The following CELF3 variants were observed in gnomAD, a reference collection of about 807,000 sequenced individuals.
The protein encoded by CELF3 is CUGBP Elav-like family member 3, also known as CAG repeat domain.
CELF3 carries 26 observed loss-of-function variants against 59.6 expected under a neutral mutation model. The observed-to-expected ratio is 0.44, with a 90% CI of 0.32 to 0.61. The LOEUF (loss-of-function observed/expected upper bound fraction) is 0.61. Ranked by LOEUF, CELF3 falls within the 20% of genes least tolerant of loss-of-function variation. The pLI is 0.06. For synonymous variants in CELF3, 245 were observed against 250.7 expected (o/e 0.98, Z 0.22); for missense variants, 387 against 627.2 (o/e 0.62, Z 4.09).
rs1330805633 is a variant in CELF3, at chr1:151,701,653, C to G, written c.*1806G>C. On this transcript the variant is annotated 3_prime_UTR_variant, in exon 13 of 13. Transcript: ENST00000290583. ...CCTAGGCTGGGCGTGGTGGCTCATG[C>G]CTGTAATCTGAGCACTTCGGGAGGC... is the stretch of plus-strand genomic sequence containing the variant. 6.6e-6 allele frequency among the ~76,000 whole-genome samples: 1 copy of G among 152,170 alleles called. No individual in the cohort carries two copies. Among genetic ancestry groups the G allele is most frequent in the Non-Finnish European group, 1.5e-5 (1 of 68,022 alleles).
chr1:151,712,543 G>C (rs1673112763), intron 2 of CELF3, among the ~76,000 whole-genome samples: 1 of 152,170 alleles, frequency 6.6e-6, no homozygotes, highest in African/African-American at 2.4e-5. Context: ...GGGTGAAGGG[G>C]GAAGAGCTGG....
Position 151,714,669 on chromosome 1 carries a change from G to T in CELF3, c.153C>A (p.Ala51=). 6.4e-7 allele frequency: 1 copy of T among 1,558,174 alleles called. No homozygotes were observed. The highest frequency in any genetic ancestry group is 8.7e-7 in the Non-Finnish European group (1 of 1,150,662). ...DKYTGLHKGC[A]FLTYCARDSA... is the part of the protein sequence containing the mutation. ...AATCCCGGGCACAGTATGTCAGGAAGGCACATCCTGAGGAGGGGCAGGGGC... is the reference window on the plus strand; with the variant it reads ...AATCCCGGGCACAGTATGTCAGGAATGCACATCCTGAGGAGGGGCAGGGGC... The change falls in exon 2 of 13, where the codon GCC becomes GCA. Residue 51 remains alanine, a synonymous_variant. Transcript: ENST00000290583.
In CELF3 at chr1:151,701,047, A is replaced by G. The variant is rs1461638387; in HGVS notation, c.*2412T>C. ...ATGACTCTTGGCTTCTTGGGAGAACAAATTGTAGGAGAGCAGGAAAAGAAA... is the reference window on the plus strand; with the variant it reads ...ATGACTCTTGGCTTCTTGGGAGAACGAATTGTAGGAGAGCAGGAAAAGAAA... On this transcript the variant is annotated 3_prime_UTR_variant, in exon 13 of 13. Coordinates refer to ENST00000290583, the MANE Select transcript of CELF3 (RefSeq NM_007185.7). 1 of 152,316 alleles carries G rather than the reference A, an allele frequency of 6.6e-6. No homozygotes were observed. The highest frequency in any genetic ancestry group is 1.5e-5 in the Non-Finnish European group (1 of 68,096). The allele number at this position is 152,316 out of a possible 1,614,324, so 9.4% of individuals were successfully genotyped here.
At chr1:151,707,759 G>T in intron 6 of CELF3, 33 bp downstream of exon 6, 1 of 1,607,610 alleles carries the variant, frequency 6.2e-7, no homozygotes. Context: ...AGGGGGTCAG[G>T]AGGGCTGGCC....
chr1:151,707,967 G>T, intron 5 of CELF3, 32 bp from the exon 6 acceptor site: 1 of 1,585,798 alleles, frequency 6.3e-7, no homozygotes, highest in Non-Finnish European at 8.6e-7. Flanking sequence ...GGTCAGAGGT[G>T]CAGGGTCAGG....
chr1:151,715,744 C>T, intron 1 of CELF3, 132 bp downstream of exon 1: 1 of 1,594,032 alleles, frequency 6.3e-7, no homozygotes, highest in Non-Finnish European at 8.5e-7. Flanking sequence ...CTCCTCCATC[C>T]ACTTTCCTCA....
At chr1:151,713,780 G>A (rs1042222163) in intron 2 of CELF3, among the ~76,000 whole-genome samples, 8 of 152,202 alleles carry the variant, frequency 5.3e-5, no homozygotes, top group African/African-American at 7.2e-5. Context: ...GGGCGTGGGG[G>A]TTTGGGTGGA....
Position 151,700,160 on chromosome 1 carries a change from C to T in CELF3, c.*3299G>A, listed in dbSNP as rs754278924. On this transcript the variant is annotated 3_prime_UTR_variant, in exon 13 of 13. Coordinates refer to ENST00000290583, the MANE Select transcript of CELF3 (RefSeq NM_007185.7). ...ACAGACACAAAAGCAAAGAAAGAAA[C>T]ATTTCTGCCAGCTTACAGGCTCACA... 3.3e-5 allele frequency among the ~76,000 whole-genome samples: 5 copies of T among 152,110 alleles called. No homozygotes were observed. The highest frequency in any genetic ancestry group is 7.3e-5 in the Non-Finnish European group (5 of 68,032).
chr1:151,716,057 G>C lies in CELF3; in HGVS notation c.-37C>G. 1 of 1,578,686 alleles carries C rather than the reference G, an allele frequency of 6.3e-7. No homozygotes were observed. On this transcript the variant is annotated 5_prime_UTR_variant, in exon 1 of 13. Transcript: ENST00000290583. ...AGGAGGAGGGGCCGAGGGGAGCAGG[G>C]AGAGGCCCAAAGGCCAAGGGGAGCT...
intron 2 of CELF3, among the ~76,000 whole-genome samples, chr1:151,712,777 T>G (rs1673130526): frequency 6.6e-6 from 1 of 152,094 alleles, no homozygotes; most frequent in Admixed American, 6.5e-5. Context: ...GTGACAGAGA[T>G]GGGGAGCAAG....
intron 5 of CELF3, chr1:151,708,481 G>A: frequency 5.4e-6 from 1 of 186,302 alleles, no homozygotes; most frequent in Non-Finnish European, 1.1e-5. Context: ...ACCCAATGCT[G>A]TGTCCCCTCC....
rs371171048 is a variant in CELF3 at position 151,716,040 on chromosome 1, G to A, written c.-20C>T. 6.2e-7 allele frequency: 1 copy of A among 1,600,438 alleles called. No homozygotes were observed. Among genetic ancestry groups the A allele is most frequent in the Non-Finnish European group, 8.5e-7 (1 of 1,172,630 alleles). ...CTTCATTGAGGCGGCCCAGGAGGAGGGGCCGAGGGGAGCAGGGAGAGGCCC... is the reference window on the plus strand; with the variant it reads ...CTTCATTGAGGCGGCCCAGGAGGAGAGGCCGAGGGGAGCAGGGAGAGGCCC... On this transcript the variant is annotated 5_prime_UTR_variant, in exon 1 of 13. Transcript: ENST00000290583.
rs946917801 is a variant in CELF3, at chr1:151,705,272, A to G, written c.1271-104T>C. On this transcript the variant is annotated intron_variant, in intron 11 of 12. Coordinates refer to ENST00000290583, the MANE Select transcript of CELF3 (RefSeq NM_007185.7). The surrounding 1 kb of genome is among the most constrained non-coding windows in gnomAD (Gnocchi z 5.1). ...TGTCTCCCAAGTGTCCCAAATGCCT[A>G]GAAAGCTGCCTGCCACATAGCAGCA... 2 of 1,325,020 alleles carry G rather than the reference A, an allele frequency of 1.5e-6. No homozygotes were observed. Among genetic ancestry groups the G allele is most frequent in the Non-Finnish European group, 2.1e-6 (2 of 969,722 alleles). The allele number at this position is 1,325,020 out of a possible 1,614,324, so 82.1% of individuals were successfully genotyped here. A position where few individuals can be genotyped will look rare whatever the true frequency, so the allele number is the denominator to read the frequency against.
chr1:151,701,484 A>C lies in CELF3; in HGVS notation c.*1975T>G, dbSNP rs1672073387. Among the ~76,000 whole-genome samples, 1 of 152,202 alleles carries C rather than the reference A, an allele frequency of 6.6e-6. No homozygotes were observed. The highest frequency in any genetic ancestry group is 1.5e-5 in the Non-Finnish European group (1 of 68,038). ...TTGGGATCTTTGCCTCAGGTCAAAG[A>C]ACAGGTAAGAAGAGAACATCATGGG... On this transcript the variant is annotated 3_prime_UTR_variant, in exon 13 of 13. Coordinates refer to ENST00000290583, the MANE Select transcript of CELF3 (RefSeq NM_007185.7).
chr1:151,707,404 C>A, intron 7 of CELF3, 103 bp downstream of exon 7: 2 of 1,545,952 alleles, frequency 1.3e-6, no homozygotes, highest in East Asian at 2.3e-5. Flanking sequence ...CTCTCTGACC[C>A]CTGAGTCCCT....
chr1:151,702,775 CAG>C lies in CELF3; in HGVS notation c.*682_*683del, dbSNP rs977087025. 2 of 174,070 alleles carry C rather than the reference CAG, an allele frequency of 1.1e-5. No homozygotes were observed. The highest frequency in any genetic ancestry group is 2.5e-5 in the Non-Finnish European group (2 of 79,788). 10.8% of individuals were successfully genotyped at this position (174,070 alleles called of 1,614,324 possible). A position where few individuals can be genotyped will look rare whatever the true frequency, so the allele number is the denominator to read the frequency against. ...CGCACGGGTGGTAGTGGTATTTACACAGAGGGAACCAGCAGAGACTGTAAACA... is the reference window on the plus strand; with the variant it reads ...CGCACGGGTGGTAGTGGTATTTACACAGGGAACCAGCAGAGACTGTAAACA... On this transcript the variant is annotated 3_prime_UTR_variant, in exon 13 of 13. Transcript: ENST00000290583.
intron 1 of CELF3, 75 bp from the exon 2 acceptor site, chr1:151,714,751 C>T: frequency 9.5e-7 from 1 of 1,047,840 alleles, no homozygotes; most frequent in Non-Finnish European, 1.4e-6. Flanking sequence ...GGCTCCCTTC[C>T]AAAGACTGAC....
chr1:151,713,051 T>C (rs996284748), intron 2 of CELF3, among the ~76,000 whole-genome samples: 10 of 152,342 alleles, frequency 6.6e-5, no homozygotes, highest in Non-Finnish European at 1.5e-4. Flanking sequence ...CCTGGGTCTG[T>C]TCCTTCAAAC....
chr1:151,707,503 A>G lies in CELF3; in HGVS notation c.772+4T>C. On this transcript the variant is annotated splice_donor_region_variant and intron_variant, in intron 7 of 12. Transcript: ENST00000290583. ...TCCCTTGCCCGGCCTTGCCCAGGCCATACCTGAGGATGGGGTGATGGGGGT... is the reference window on the plus strand; with the variant it reads ...TCCCTTGCCCGGCCTTGCCCAGGCCGTACCTGAGGATGGGGTGATGGGGGT... 4.3e-6 allele frequency: 7 copies of G among 1,610,772 alleles called. No individual in the cohort carries two copies. The highest frequency in any genetic ancestry group is 5.9e-6 in the Non-Finnish European group (7 of 1,179,728).
Sources: gnomAD v4.1 joint callset for allele counts (sites outside exome capture counted in the v4.1 genomes callset) on GRCh38, gnomAD v4.1.1 for gene constraint, Gnocchi (gnomAD v3.1) non-coding constraint, MANE v1.5 for transcripts, NCBI Gene and HGNC (gene_info 2026-07-23, HGNC 2026-07-21) for gene names.